TAPBP: variants seen among roughly 807,000 people sequenced by gnomAD.
TAPBP encodes the protein tapasin.
TAPBP carries 38 observed loss-of-function variants against 45.7 expected under a neutral mutation model. That is an observed-to-expected ratio of 0.83 (90% CI 0.64 to 1.09). The LOEUF is 1.09. Ranked by LOEUF, TAPBP falls within the 50% of genes least tolerant of loss-of-function variation. The probability of loss-of-function intolerance (pLI) is 0.00; values close to 1 mark genes in which losing one functional copy is unlikely to be tolerated. For synonymous variants in TAPBP, 226 were observed against 254.8 expected, an observed-to-expected ratio of 0.89 and a Z score of 1.08; for missense variants, 513 against 587.3, an observed-to-expected ratio of 0.87 and a Z score of 1.31.
chr6:33,313,476 G>A lies in TAPBP; in HGVS notation c.210C>T (p.Asp70=). The part of the protein sequence containing the change: ...LDPELYLSVH[D]PAGALQAAFR... Reference sequence around the variant, plus strand: ...AGGCAGCCTGGAGGGCGCCCGCGGGGTCTGAGTGTAGAGAAGGAAGTTGCA... The same window carrying A: ...AGGCAGCCTGGAGGGCGCCCGCGGGATCTGAGTGTAGAGAAGGAAGTTGCA... Residue 70 remains aspartate (D), a splice_region_variant and synonymous_variant, in exon 3 of 8, where the codon GAC becomes GAT. Transcript: ENST00000434618. This position sits in a 1 kb window ranked among gnomAD's most constrained non-coding sequence, Gnocchi z 7.2. 6.4e-7 allele frequency: 1 copy of A among 1,566,098 alleles called. No individual in the cohort carries two copies. Among genetic ancestry groups the A allele is most frequent in the Non-Finnish European group, 8.7e-7 (1 of 1,153,342 alleles).
At chr6:33,308,730 T>C (rs1483744941) in intron 3 of TAPBP, among the ~76,000 whole-genome samples, 1 of 150,636 alleles carries the variant, frequency 6.6e-6, no homozygotes, top group Non-Finnish European at 1.5e-5. Context: ...ATGAGATTTT[T>C]TCACATTTTT....
Position 33,305,505 on chromosome 6 carries a change from A to AAAAGGTGTCCTCTGAGG in TAPBP, c.470-119_470-118insCCTCAGAGGACACCTTT. On this transcript the variant is annotated intron_variant, in intron 3 of 7. Coordinates refer to ENST00000434618, the MANE Select transcript of TAPBP (RefSeq NM_003190.5). The surrounding 1 kb of genome is among the most constrained non-coding windows in gnomAD (Gnocchi z 4.4). ...AAACTGCAGTTTACCCACCCCTCAG[A>AAAAGGTGTCCTCTGAGG]GGACACCTTTTCTGATACTCACCAT... 3 of 1,156,662 alleles carry AAAAGGTGTCCTCTGAGG rather than the reference A, an allele frequency of 2.6e-6. No individual in the cohort carries two copies. Among genetic ancestry groups the AAAAGGTGTCCTCTGAGG allele is most frequent in the African/African-American group, 1.6e-5 (1 of 64,326 alleles). The allele number at this position is 1,156,662 out of a possible 1,614,324, so 71.6% of individuals were successfully genotyped here.
In TAPBP at chr6:33,300,688, G is replaced by C. The variant is rs974608373; in HGVS notation, c.*1072C>G. 1.7e-5 allele frequency: 2 copies of C among 115,710 alleles called. No individual in the cohort carries two copies. Among genetic ancestry groups the C allele is most frequent in the African/African-American group, 7.6e-5 (2 of 26,372 alleles). 7.2% of individuals were successfully genotyped at this position (115,710 alleles called of 1,614,324 possible). The stretch of plus-strand genomic sequence containing the variant: ...AAAAAAAGAAAGATTATTTGCAGCC[G>C]GGCGCGGTGGCTCACGCGGGTAATC... On this transcript the variant is annotated 3_prime_UTR_variant, in exon 8 of 8. Coordinates refer to ENST00000434618, the MANE Select transcript of TAPBP (RefSeq NM_003190.5).
Position 33,303,000 on chromosome 6 carries a change from A to G in TAPBP, c.1335+955T>C, listed in dbSNP as rs533337774. 1.1e-4 allele frequency among the ~76,000 whole-genome samples: 16 copies of G among 152,346 alleles called. No homozygotes were observed. In the South Asian group the frequency reaches 3.3e-3, roughly 32 times the overall value. On this transcript the variant is annotated intron_variant, in intron 7 of 7. Transcript: ENST00000434618. Reference sequence around the variant, plus strand: ...AATATTTTGGATGTACAGGTTGAGCATCGCCGATCCAAAACTCTAAAATCT... The same window carrying G: ...AATATTTTGGATGTACAGGTTGAGCGTCGCCGATCCAAAACTCTAAAATCT...
At chr6:33,312,393 A>T (rs1228461159) in intron 3 of TAPBP, among the ~76,000 whole-genome samples, 1 of 152,080 alleles carries the variant, frequency 6.6e-6, no homozygotes, top group African/African-American at 2.4e-5. Context: ...GCTGACATAA[A>T]ATCCAGATAG....
chr6:33,313,160 G>T lies in TAPBP; in HGVS notation c.469+57C>A, dbSNP rs1769483844. The T allele has an allele frequency of 2.6e-6, 4 of 1,535,270 alleles. No homozygotes were observed. The African/African-American group carries it at 5.5e-5, about 21-fold the overall frequency. Reference sequence around the variant, plus strand: ...CTCAAGTCCATAAAGCGAGACCACCGGCTGATCTGGACCCTTAGAATCTAC... The same window carrying T: ...CTCAAGTCCATAAAGCGAGACCACCTGCTGATCTGGACCCTTAGAATCTAC... On this transcript the variant is annotated intron_variant, in intron 3 of 7. Transcript: ENST00000434618. This position sits in a 1 kb window ranked among gnomAD's most constrained non-coding sequence, Gnocchi z 7.2.
rs753037786 is a variant in TAPBP, at chr6:33,305,412, G to T, written c.470-25C>A. ...ACTGAGGAAGACAGGGAGATGAGGG[G>T]TTGGGAGGGGCATGAGGGAGAGAAA... On this transcript the variant is annotated intron_variant, in intron 3 of 7. Transcript: ENST00000434618. The surrounding 1 kb of genome is among the most constrained non-coding windows in gnomAD (Gnocchi z 4.4). 1 of 1,505,148 alleles carries T rather than the reference G, an allele frequency of 6.6e-7. No homozygotes were observed. Among genetic ancestry groups the T allele is most frequent in the Non-Finnish European group, 8.9e-7 (1 of 1,128,290 alleles). 93.2% of individuals were successfully genotyped at this position (1,505,148 alleles called of 1,614,324 possible).
In TAPBP at chr6:33,313,791, G is replaced by T. The variant is rs769476254; in HGVS notation, c.111C>A (p.Gly37=). The T allele has an allele frequency of 5.6e-6, 9 of 1,613,648 alleles. No homozygotes were observed. The South Asian group carries it at 8.8e-5, about 16-fold the overall frequency. The change falls in exon 2 of 8, where the codon GGC becomes GGA. Residue 37 remains glycine (G), a synonymous_variant. Transcript: ENST00000434618. The surrounding 1 kb of genome is among the most constrained non-coding windows in gnomAD (Gnocchi z 7.2). ...GCAGTGCACCGGGTCTCTTGGCCAG[G>T]CCCTTTCCGCTCGCATCCTCCACGA... ...CWFVEDASGK[G]LAKRPGALLL...
chr6:33,304,862 C>T, intron 4 of TAPBP, 127 bp downstream of exon 4: 1 of 1,454,458 alleles, frequency 6.9e-7, no homozygotes, highest in Non-Finnish European at 9.3e-7. Flanking sequence ...CTCTAACTCC[C>T]AGGAACCTCT....
Position 33,299,899 on chromosome 6 carries a change from C to G in TAPBP, c.*1861G>C, listed in dbSNP as rs976090765. 1.3e-5 allele frequency: 2 copies of G among 152,864 alleles called. No homozygotes were observed. The highest frequency in any genetic ancestry group is 4.8e-5 in the African/African-American group (2 of 41,424). The allele number at this position is 152,864 out of a possible 1,614,324, so 9.5% of individuals were successfully genotyped here. On this transcript the variant is annotated 3_prime_UTR_variant, in exon 8 of 8. Transcript: ENST00000434618. The surrounding 1 kb of genome is among the most constrained non-coding windows in gnomAD (Gnocchi z 5.0). ...ACAGCAGTGGACAGACAGGCCAGTC[C>G]CTGTCCTCGAGGAGCCCATGATCCG...
Position 33,313,695 on chromosome 6 carries a change from G to A in TAPBP, c.207C>T (p.His69=), listed in dbSNP as rs1312830938. ...GGCGGCGAGTCCCTAGAGACTCACC[G>A]TGTACACTGAGATAGAGCTCAGGGT... ...DLDPELYLSV[H]DPAGALQAAF... The change falls in exon 2 of 8, where the codon CAC becomes CAT. Residue 69 remains histidine (H), a splice_region_variant and synonymous_variant. Coordinates refer to ENST00000434618, the MANE Select transcript of TAPBP (RefSeq NM_003190.5). This position sits in a 1 kb window ranked among gnomAD's most constrained non-coding sequence, Gnocchi z 7.2. 1.3e-5 allele frequency: 21 copies of A among 1,612,188 alleles called. No individual in the cohort carries two copies. Among genetic ancestry groups the A allele is most frequent in the African/African-American group, 5.3e-5 (4 of 74,906 alleles).
chr6:33,311,594 A>G (rs993123528), intron 3 of TAPBP, among the ~76,000 whole-genome samples: 2 of 152,172 alleles, frequency 1.3e-5, no homozygotes, highest in Admixed American at 6.5e-5. Context: ...ACGCCATTGC[A>G]CTCCAGCCTG....
At chr6:33,303,863 C>T (rs748673224) in intron 7 of TAPBP, 92 bp downstream of exon 7, 1 of 1,612,764 alleles carries the variant, frequency 6.2e-7, no homozygotes, top group Non-Finnish European at 8.5e-7. Context: ...TAGGTTCTGC[C>T]TACCACACCA....
chr6:33,306,004 G>T (rs1277312077), intron 3 of TAPBP, among the ~76,000 whole-genome samples: 1 of 152,132 alleles, frequency 6.6e-6, no homozygotes, highest in African/African-American at 2.4e-5. Flanking sequence ...CCATGGCTCA[G>T]CTTCCTAATC....
rs200436656 is a variant in TAPBP, at chr6:33,314,060, G to C, written c.-19C>G. 2.5e-6 allele frequency: 4 copies of C among 1,613,198 alleles called. No individual in the cohort carries two copies. Among genetic ancestry groups the C allele is most frequent in the Non-Finnish European group, 3.4e-6 (4 of 1,179,496 alleles). The stretch of plus-strand genomic sequence containing the variant: ...ACTTCATGGCGCTGCGACCTCCTCA[G>C]CCATGAAGCCTCCTCTTCCTCCTTT... On this transcript the variant is annotated 5_prime_UTR_variant, in exon 1 of 8. Transcript: ENST00000434618.
rs1405945405 is a variant in TAPBP at position 33,313,979 on chromosome 6, G to A, written c.37+26C>T. 3.7e-6 allele frequency: 6 copies of A among 1,613,902 alleles called. No homozygotes were observed. In the East Asian group the frequency reaches 1.3e-4, roughly 36 times the overall value. On this transcript the variant is annotated intron_variant, in intron 1 of 7. Transcript: ENST00000434618. The surrounding 1 kb of genome is among the most constrained non-coding windows in gnomAD (Gnocchi z 7.2). ...TCCCTCCGCTTCCCTCTAGTTCTTGGGCGATGAGTCGCGGGGTTCGCTCAC... is the reference window on the plus strand; with the variant it reads ...TCCCTCCGCTTCCCTCTAGTTCTTGAGCGATGAGTCGCGGGGTTCGCTCAC...
At chr6:33,301,912 C>CTG (rs3066425) in intron 7 of TAPBP, 141 bp from the exon 8 acceptor site, 645,679 of 1,184,348 alleles carry the variant, frequency 0.55, 181,318 homozygotes, top group African/African-American at 0.74. Context: ...CCTCCAGACA[C>CTG]TGCTGAGTGC....
chr6:33,304,600 G>C lies in TAPBP; in HGVS notation c.907C>G (p.Arg303Gly). Residue 303 changes from arginine to glycine, a missense_variant, in exon 5 of 8, where the codon CGG becomes GGG. Physicochemically the swap from Arg to Gly is moderately radical, Grantham distance 125. Coordinates refer to ENST00000434618, the MANE Select transcript of TAPBP (RefSeq NM_003190.5). ...GGGGGTGCCTCCCCTGGGGCGGCCC[G>C]TGCAAGGGTTGCTGGCATCAGGGAC... ...KVSLMPATLA[R>G]AAPGEAPPEL... The C allele has an allele frequency of 6.3e-7, 1 of 1,590,080 alleles. No homozygotes were observed. The highest frequency in any genetic ancestry group is 8.5e-7 in the Non-Finnish European group (1 of 1,174,116).
chr6:33,301,497 C>A lies in TAPBP; in HGVS notation c.*263G>T. On this transcript the variant is annotated 3_prime_UTR_variant, in exon 8 of 8. Coordinates refer to ENST00000434618, the MANE Select transcript of TAPBP (RefSeq NM_003190.5). ...GCTGAAGCCACAGAATTGCTTGAAC[C>A]CAGGAGGCGGAGGTTGCAGTAAGCC... The A allele has an allele frequency of 2.1e-6, 1 of 477,204 alleles. No homozygotes were observed. Among genetic ancestry groups the A allele is most frequent in the Non-Finnish European group, 3.7e-6 (1 of 269,224 alleles). 29.6% of individuals were successfully genotyped at this position (477,204 alleles called of 1,614,324 possible).
Sources: gnomAD v4.1 joint callset for allele counts (sites outside exome capture counted in the v4.1 genomes callset) on GRCh38, gnomAD v4.1.1 for gene constraint, Gnocchi (gnomAD v3.1) non-coding constraint, MANE v1.5 for transcripts, NCBI Gene and HGNC (gene_info 2026-07-23, HGNC 2026-07-21) for gene names.